Variants in DGKG observed in about 807,000 individuals in gnomAD.
DGKG encodes diacylglycerol kinase gamma.
In DGKG, 78 loss-of-function variants were observed where a neutral mutation model predicts 105.3. The ratio of observed to expected loss-of-function variants is 0.74; its 90% CI spans 0.62 to 0.89. The LOEUF (loss-of-function observed/expected upper bound fraction) is 0.89. DGKG is among the 40% of genes least tolerant of loss of function. The pLI, the probability that DGKG is intolerant of heterozygous loss-of-function variation, is 0.00. For missense variants in DGKG, 958 were observed against 1,020.1 expected (o/e 0.94, Z 0.83); for synonymous variants, 346 against 367.1 (o/e 0.94, Z 0.66).
intron 22 of DGKG, among the ~76,000 whole-genome samples, chr3:186,179,247 G>A (rs575290767): frequency 5.8e-4 from 88 of 152,346 alleles, no homozygotes; most frequent in African/African-American, 1.9e-3. Context: ...AGCCGTGCCC[G>A]TTCATTTAAA....
intron 22 of DGKG, among the ~76,000 whole-genome samples, chr3:186,177,321 C>G (rs1717130889): frequency 6.6e-6 from 1 of 152,224 alleles, no homozygotes; most frequent in African/African-American, 2.4e-5. Context: ...AGTGCCCAGC[C>G]CATGTTGCCT....
chr3:186,279,165 C>T (rs1054574722), intron 9 of DGKG: 3 of 152,230 alleles, frequency 2.0e-5, no homozygotes, highest in Non-Finnish European at 4.4e-5. Context: ...GCCACCTGCT[C>T]TTTATTCTCA....
intron 20 of DGKG, among the ~76,000 whole-genome samples, chr3:186,239,376 CG>C (rs1720567339): frequency 6.6e-6 from 1 of 152,178 alleles, no homozygotes; most frequent in South Asian, 2.1e-4. Flanking sequence ...TTGATAATGC[CG>C]TTTACATTTC....
chr3:186,207,779 A>C (rs1055837972), intron 21 of DGKG, among the ~76,000 whole-genome samples: 1 of 152,216 alleles, frequency 6.6e-6, no homozygotes, highest in African/African-American at 2.4e-5. Flanking sequence ...CCTGAGTCAC[A>C]GGCAGGGCCA....
intron 20 of DGKG, among the ~76,000 whole-genome samples, chr3:186,220,752 C>T (rs1184217428): frequency 6.6e-6 from 1 of 152,136 alleles, no homozygotes; most frequent in Non-Finnish European, 1.5e-5. Context: ...AGGGCCAAAC[C>T]CATAAGCCTC....
At chr3:186,348,451 C>CTTTTTTTTTTTTTTTTTTTTTTTTT (rs1159516433) in intron 1 of DGKG, among the ~76,000 whole-genome samples, 1 of 50,702 alleles carries the variant, frequency 2.0e-5, no homozygotes, top group African/African-American at 7.2e-5. Context: ...GGCTCATAAT[C>CTTTTTTTTTTTTTTTTTTTTTTTTT]TTTTTTTTTT....
intron 9 of DGKG, 48 bp from the exon 10 acceptor site, chr3:186,275,712 G>T (rs768930141): frequency 5.0e-6 from 7 of 1,388,746 alleles, no homozygotes; most frequent in Non-Finnish European, 7.1e-6. Context: ...GCCCTGAGAT[G>T]GAGGAAGCCA....
chr3:186,279,760 G>A, intron 9 of DGKG, 91 bp downstream of exon 9: 1 of 1,504,654 alleles, frequency 6.6e-7, no homozygotes, highest in Non-Finnish European at 9.0e-7. Context: ...GGGCAGTCTG[G>A]AGCAGAAGCC....
chr3:186,321,318 T>C (rs7644189), intron 1 of DGKG, among the ~76,000 whole-genome samples: 5,211 of 152,248 alleles, frequency 0.034, 298 homozygotes, highest in African/African-American at 0.12. Context: ...GTTGTGAAAT[T>C]GATGTAATGA....
intron 21 of DGKG, among the ~76,000 whole-genome samples, chr3:186,206,436 T>G (rs1015421311): frequency 6.6e-6 from 1 of 152,196 alleles, no homozygotes; most frequent in African/African-American, 2.4e-5. Flanking sequence ...GTTCTTATTT[T>G]TAGCCAGTGA....
intron 21 of DGKG, among the ~76,000 whole-genome samples, chr3:186,206,548 G>T (rs1256135392): frequency 6.6e-6 from 1 of 152,066 alleles, no homozygotes; most frequent in Admixed American, 6.5e-5. Flanking sequence ...AGGTTATTCT[G>T]GGCCTGGGGT....
At chr3:186,211,412 C>G (rs1247996937) in intron 21 of DGKG, among the ~76,000 whole-genome samples, 1 of 152,212 alleles carries the variant, frequency 6.6e-6, no homozygotes, top group Admixed American at 6.5e-5. Flanking sequence ...CCCTGTAACA[C>G]CAGTTCCCAG....
At chr3:186,360,935 A>C (rs1480355905) in intron 1 of DGKG, among the ~76,000 whole-genome samples, 2 of 152,230 alleles carry the variant, frequency 1.3e-5, no homozygotes, top group African/African-American at 4.8e-5. Context: ...ATGCTAATGA[A>C]GTCCGAGGAG....
At chr3:186,322,777 C>T (rs1265758449) in intron 1 of DGKG, among the ~76,000 whole-genome samples, 1 of 152,160 alleles carries the variant, frequency 6.6e-6, no homozygotes, top group Admixed American at 6.6e-5. Context: ...GTATATCCAA[C>T]CATCTACTGT....
At chr3:186,228,795 G>T (rs1020525779) in intron 20 of DGKG, among the ~76,000 whole-genome samples, 1 of 152,098 alleles carries the variant, frequency 6.6e-6, no homozygotes, top group Non-Finnish European at 1.5e-5. Flanking sequence ...CATTGTTCAC[G>T]TCCCTTCGTG....
chr3:186,233,072 A>G (rs1183332386), intron 20 of DGKG, among the ~76,000 whole-genome samples: 3 of 152,352 alleles, frequency 2.0e-5, no homozygotes, highest in South Asian at 2.1e-4. Context: ...TCTGATCCCC[A>G]GAGCCTGTGA....
chr3:186,197,823 A>G (rs2268847), intron 21 of DGKG, among the ~76,000 whole-genome samples: 93,438 of 151,954 alleles, frequency 0.61, 28,944 homozygotes, highest in East Asian at 0.76. Flanking sequence ...CTGCCCATCA[A>G]CTCTTTTATG....
chr3:186,342,586 GT>G (rs200104603), intron 1 of DGKG, among the ~76,000 whole-genome samples: 2 of 150,856 alleles, frequency 1.3e-5, no homozygotes, highest in Non-Finnish European at 3.0e-5. Flanking sequence ...TTTTATTTCT[GT>G]TTTTTTTCTC....
At chr3:186,304,847 T>C (rs1230283502) in intron 3 of DGKG, among the ~76,000 whole-genome samples, 1 of 152,182 alleles carries the variant, frequency 6.6e-6, no homozygotes, top group African/African-American at 2.4e-5. Flanking sequence ...GAAGTCTAAC[T>C]TAAGACCATG....
Sources: allele counts gnomAD v4.1 joint callset (sites outside exome capture counted in the v4.1 genomes callset), GRCh38; gene constraint gnomAD v4.1.1; transcripts MANE v1.5; gene names NCBI Gene and HGNC (gene_info 2026-07-23, HGNC 2026-07-21).